Variants in RYR2 observed in about 807,000 individuals in gnomAD.
RYR2 encodes the protein cardiac muscle ryanodine receptor-calcium release channel.
In RYR2, 227 loss-of-function variants were observed where a neutral mutation model predicts 601.1. The ratio of observed to expected loss-of-function variants is 0.38; its 90% CI spans 0.34 to 0.42. The LOEUF (loss-of-function observed/expected upper bound fraction) is 0.42, where lower values mean the gene tolerates loss of function less well. Ranked by LOEUF, RYR2 falls within the 10% of genes least tolerant of loss-of-function variation. RYR2 has a pLI of 1.00. For synonymous variants in RYR2, 2,223 were observed against 2,175.1 expected, an observed-to-expected ratio of 1.02 and a Z score of -0.61; for missense variants, 4,646 against 6,156.5, an observed-to-expected ratio of 0.75 and a Z score of 8.21.
At chr1:237,281,921 A>G (rs971029044) in intron 2 of RYR2, among the ~76,000 whole-genome samples, 3 of 152,174 alleles carry the variant, frequency 2.0e-5, no homozygotes, top group African/African-American at 7.2e-5. Flanking sequence ...GAAAAACTGA[A>G]AACTACACTT....
At chr1:237,223,081 AAAC>A (rs1389684720) in intron 1 of RYR2, among the ~76,000 whole-genome samples, 1 of 152,200 alleles carries the variant, frequency 6.6e-6, no homozygotes, top group African/African-American at 2.4e-5. Flanking sequence ...AAACAAAACA[AAAC>A]AACAACAAAA....
At position 237,798,151 on chromosome 1, in the gene RYR2, G is replaced by A; in HGVS notation, c.14071G>A (p.Asp4691Asn). 1 of 1,612,612 alleles carries A rather than the reference G, an allele frequency of 6.2e-7. No individual in the cohort carries two copies. The highest frequency in any genetic ancestry group is 1.1e-5 in the South Asian group (1 of 90,602). Residue 4691 changes from aspartate to asparagine, a missense_variant, in exon 97 of 105, where the codon GAC becomes AAC. Asp to Asn is a conservative substitution (Grantham distance 23). Transcript: ENST00000366574. ...CAGAGAAAAGAAGAAGCCAAAGAAA[G>A]ACAGCTCCTTATCAGCTGTGTAAGT... is the stretch of plus-strand genomic sequence containing the variant. ...DAREKKKPKK[D>N]SSLSAVLNSI...
At chr1:237,314,429 TAAG>T (rs1224234539) in intron 2 of RYR2, among the ~76,000 whole-genome samples, 2 of 152,166 alleles carry the variant, frequency 1.3e-5, no homozygotes, top group Admixed American at 1.3e-4. Flanking sequence ...AAATAAAACT[TAAG>T]AAGAAGCTCT....
At chr1:237,593,122 A>G (rs567464664) in intron 32 of RYR2, among the ~76,000 whole-genome samples, 4 of 152,300 alleles carry the variant, frequency 2.6e-5, no homozygotes, top group South Asian at 4.1e-4. Flanking sequence ...TATTACATAC[A>G]TACACTGTAT....
intron 27 of RYR2, among the ~76,000 whole-genome samples, chr1:237,561,332 A>G (rs1372247258): frequency 6.6e-6 from 1 of 152,206 alleles, no homozygotes; most frequent in Non-Finnish European, 1.5e-5. Flanking sequence ...CATAGTAGGG[A>G]TGCAAGTGAT....
intron 100 of RYR2, among the ~76,000 whole-genome samples, chr1:237,811,649 A>C (rs1558467698): frequency 6.6e-6 from 1 of 152,224 alleles, no homozygotes; most frequent in African/African-American, 2.4e-5. Flanking sequence ...GGTCAAGATT[A>C]AATTTTCGAA....
chr1:237,494,442 A>T (rs1663803549), intron 19 of RYR2, among the ~76,000 whole-genome samples: 1 of 152,180 alleles, frequency 6.6e-6, no homozygotes, highest in Non-Finnish European at 1.5e-5. Flanking sequence ...GTCTGCTTTT[A>T]TTCTAGCTGT....
intron 1 of RYR2, among the ~76,000 whole-genome samples, chr1:237,163,582 CTCT>C (rs764911406): frequency 6.6e-6 from 1 of 152,108 alleles, no homozygotes; most frequent in Non-Finnish European, 1.5e-5. Flanking sequence ...TTCCTTTGAC[CTCT>C]TCTTATAAAG....
intron 25 of RYR2, among the ~76,000 whole-genome samples, chr1:237,536,748 T>C (rs1401150186): frequency 8.0e-6 from 1 of 125,388 alleles, no homozygotes; most frequent in Non-Finnish European, 1.6e-5. Context: ...TAGCCGGGCA[T>C]GGTGGCAGGC....
intron 41 of RYR2, among the ~76,000 whole-genome samples, chr1:237,629,358 C>A (rs1680018286): frequency 6.6e-6 from 1 of 150,998 alleles, no homozygotes. Context: ...TATTTGCACC[C>A]CCTAAATATT....
chr1:237,081,605 G>GCA (rs1422597609), intron 1 of RYR2, among the ~76,000 whole-genome samples: 3 of 150,738 alleles, frequency 2.0e-5, no homozygotes, highest in South Asian at 2.1e-4. Flanking sequence ...TACATATATG[G>GCA]CACACACACA....
chr1:237,421,311 A>C (rs1227516864), intron 11 of RYR2, among the ~76,000 whole-genome samples: 5 of 152,226 alleles, frequency 3.3e-5, no homozygotes, highest in Admixed American at 3.3e-4. Context: ...CAATACACTT[A>C]ATTTTATAAG....
intron 1 of RYR2, among the ~76,000 whole-genome samples, chr1:237,213,290 G>A (rs937617197): frequency 6.6e-6 from 1 of 151,880 alleles, no homozygotes; most frequent in Non-Finnish European, 1.5e-5. Flanking sequence ...TGATCCTCCT[G>A]CCTCAGCCTC....
At chr1:237,423,683 G>C (rs1705821115) in intron 12 of RYR2, among the ~76,000 whole-genome samples, 1 of 152,020 alleles carries the variant, frequency 6.6e-6, no homozygotes, top group Admixed American at 6.6e-5. Flanking sequence ...CACAGATATT[G>C]GGATGTTTTT....
chr1:237,176,158 T>TGA (rs1678017749), intron 1 of RYR2, among the ~76,000 whole-genome samples: 1 of 151,376 alleles, frequency 6.6e-6, no homozygotes, highest in Admixed American at 6.6e-5. Flanking sequence ...AGTCCAGGAG[T>TGA]TAGAGGCTAC....
intron 23 of RYR2, 85 bp downstream of exon 23, chr1:237,506,899 G>A: frequency 6.4e-6 from 7 of 1,099,796 alleles, no homozygotes; most frequent in Non-Finnish European, 9.5e-6. Context: ...CCGCTATGGG[G>A]TGACATCAAT....
chr1:237,085,409 T>G (rs1666210646), intron 1 of RYR2, among the ~76,000 whole-genome samples: 1 of 152,180 alleles, frequency 6.6e-6, no homozygotes, highest in African/African-American at 2.4e-5. Flanking sequence ...TTGCATAAAA[T>G]AAAATCTACC....
chr1:237,830,348 A>C (rs1031094282), intron 102 of RYR2, 182 bp from the exon 103 acceptor site: 4 of 485,938 alleles, frequency 8.2e-6, no homozygotes, highest in Non-Finnish European at 1.5e-5. Context: ...ATTTAAGCCA[A>C]CACCAAGATA....
intron 2 of RYR2, among the ~76,000 whole-genome samples, chr1:237,317,375 G>C (rs898946812): frequency 6.6e-6 from 1 of 152,128 alleles, no homozygotes; most frequent in East Asian, 1.9e-4. Flanking sequence ...TGATACAAAA[G>C]TTTAAACATA....
Sources: gnomAD v4.1 joint callset for allele counts (sites outside exome capture counted in the v4.1 genomes callset) on GRCh38, gnomAD v4.1.1 for gene constraint, MANE v1.5 for transcripts, NCBI Gene and HGNC (gene_info 2026-07-23, HGNC 2026-07-21) for gene names.